Variants in CHI3L1 observed in about 807,000 individuals in gnomAD.
CHI3L1 encodes the protein chitinase 3 like 1, also known as chitinase-3-like protein 1.
Under a neutral mutation model 40.7 loss-of-function variants are expected in CHI3L1, and 30 were observed. The observed-to-expected ratio is 0.74, with a 90% CI of 0.55 to 1.00. The LOEUF is 1.00. Ranked by LOEUF, CHI3L1 falls within the 50% of genes least tolerant of loss-of-function variation. CHI3L1 has a pLI of 0.00. For synonymous variants in CHI3L1, 210 were observed against 192.1 expected, an observed-to-expected ratio of 1.09 and a Z score of -0.77; for missense variants, 493 against 492.2, an observed-to-expected ratio of 1.00 and a Z score of -0.01.
Position 203,183,655 on chromosome 1 carries a change from TA to T in CHI3L1, c.450del (p.Phe150LeufsTer4). 6.2e-7 allele frequency: 1 copy of T among 1,614,032 alleles called. No individual in the cohort carries two copies. Among genetic ancestry groups the T allele is most frequent in the Non-Finnish European group, 8.5e-7 (1 of 1,180,000 alleles). ...LYPGRRDKQH[F>X]TTLIKEMKAE... ...CTGACCAGCACCTTGATTAGGGTGG[TA>T]AAATGCTGTTTGTCTCTCCGTCCAG... On this transcript the variant is annotated frameshift_variant, in exon 5 of 10. Coordinates refer to ENST00000255409, the MANE Select transcript of CHI3L1 (RefSeq NM_001276.4). LOFTEE classifies it high-confidence loss of function.
At chr1:203,182,970 GCCT>G in intron 5 of CHI3L1, 118 bp from the exon 6 acceptor site, 5 of 1,055,164 alleles carry the variant, frequency 4.7e-6, no homozygotes, top group Non-Finnish European at 6.9e-6. Context: ...CCTGCCTGGG[GCCT>G]AGTGGAAGTG....
At chr1:203,181,463 C>T (rs1194939154) in intron 6 of CHI3L1, 178 bp from the exon 7 acceptor site, 2 of 525,188 alleles carry the variant, frequency 3.8e-6, no homozygotes, top group Non-Finnish European at 6.4e-6. Flanking sequence ...TCTACTCTAA[C>T]TACGAAAATT....
intron 6 of CHI3L1, chr1:203,182,109 T>C (rs940416713): frequency 6.6e-6 from 1 of 152,608 alleles, no homozygotes; most frequent in African/African-American, 2.4e-5. Context: ...AATTAAGCAC[T>C]GAGTTTACAC....
rs539769131 is a variant in CHI3L1 at position 203,180,938 on chromosome 1, C to T, written c.711+224G>A. Among the ~76,000 whole-genome samples, 24 of 152,320 alleles carry T rather than the reference C, an allele frequency of 1.6e-4. 1 individual carries two copies. In the South Asian group the frequency reaches 5.0e-3, roughly 32 times the overall value. On this transcript the variant is annotated intron_variant, in intron 7 of 9. Transcript: ENST00000255409. ...CCTACCTCCTCGGCTCCCAGCCTCT[C>T]CCCATTCGGCCCCCTGCCCTCACTC...
intron 6 of CHI3L1, 78 bp from the exon 7 acceptor site, chr1:203,181,363 C>G: frequency 6.6e-7 from 1 of 1,520,476 alleles, no homozygotes; most frequent in South Asian, 1.2e-5. Context: ...TGGCTCATAC[C>G]TGGAATCCCA....
rs754908889 is a variant in CHI3L1, at chr1:203,179,517, C to T, written c.1080G>A (p.Gln360=). 1.9e-5 allele frequency: 31 copies of T among 1,592,172 alleles called. No homozygotes were observed. The highest frequency in any genetic ancestry group is 2.2e-5 in the Non-Finnish European group (26 of 1,167,160). Reference sequence around the variant, plus strand: ...GCAGATCCTGGCCACAGAAGGAGCCCTGGAAGTCATCCAGGTCCAGGGCCC... The same window carrying T: ...GCAGATCCTGGCCACAGAAGGAGCCTTGGAAGTCATCCAGGTCCAGGGCCC... ...MVWALDLDDF[Q]GSFCGQDLRF... The change falls in exon 10 of 10, where the codon CAG becomes CAA. Residue 360 remains glutamine, a synonymous_variant. Coordinates refer to ENST00000255409, the MANE Select transcript of CHI3L1 (RefSeq NM_001276.4).
intron 3 of CHI3L1, 51 bp from the exon 4 acceptor site, chr1:203,184,683 G>A: frequency 7.9e-6 from 12 of 1,510,942 alleles, no homozygotes; most frequent in Non-Finnish European, 1.1e-5. Flanking sequence ...ACATTGTCAT[G>A]ACACTGGGTG....
chr1:203,186,466 C>A (rs1302734310), intron 1 of CHI3L1, 121 bp from the exon 2 acceptor site: 37 of 1,492,848 alleles, frequency 2.5e-5, no homozygotes, highest in Non-Finnish European at 1.8e-5. Context: ...GCCTCAGTCC[C>A]TCCCCTGGCT....
At chr1:203,182,268 G>A (rs1410523409) in intron 6 of CHI3L1, 1 of 162,866 alleles carries the variant, frequency 6.1e-6, no homozygotes, top group Non-Finnish European at 1.3e-5. Context: ...GGGGTGGGGT[G>A]AGGATGAGGC....
chr1:203,180,313 T>C lies in CHI3L1; in HGVS notation c.894+157A>G, dbSNP rs1655907240. On this transcript the variant is annotated intron_variant, in intron 8 of 9. Coordinates refer to ENST00000255409, the MANE Select transcript of CHI3L1 (RefSeq NM_001276.4). Reference sequence around the variant, plus strand: ...CCTGCTGGAGATTTTCAGCAACAAATGTCCTAACCTCTCCCTTCCACTTCC... The same window carrying C: ...CCTGCTGGAGATTTTCAGCAACAAACGTCCTAACCTCTCCCTTCCACTTCC... 3 of 674,122 alleles carry C rather than the reference T, an allele frequency of 4.5e-6. No individual in the cohort carries two copies. The South Asian group carries it at 6.6e-5, about 15-fold the overall frequency. The allele number at this position is 674,122 out of a possible 1,614,324, so 41.8% of individuals were successfully genotyped here.
At position 203,183,620 on chromosome 1, in the gene CHI3L1, T is replaced by C. The variant is rs754049844; in HGVS notation, c.465+21A>G. The C allele has an allele frequency of 3.0e-5, 49 of 1,613,178 alleles. No homozygotes were observed. In the South Asian group the frequency reaches 4.9e-4, roughly 16 times the overall value. On this transcript the variant is annotated intron_variant, in intron 5 of 9. Coordinates refer to ENST00000255409, the MANE Select transcript of CHI3L1 (RefSeq NM_001276.4). The stretch of plus-strand genomic sequence containing the variant: ...CCTCATGCCTGCCCACCTCCCTCCC[T>C]GTCCCTGACCTGACCAGCACCTTGA...
rs756456263 is a variant in CHI3L1 at position 203,182,742 on chromosome 1, G to A, written c.576C>T (p.Ala192=). 7 of 1,613,876 alleles carry A rather than the reference G, an allele frequency of 4.3e-6. No homozygotes were observed. Among genetic ancestry groups the A allele is most frequent in the Non-Finnish European group, 5.9e-6 (7 of 1,179,984 alleles). The change falls in exon 6 of 10, where the codon GCC becomes GCT. Residue 192 remains alanine (A), a synonymous_variant. Transcript: ENST00000255409. ...GGCAGGAGACTCACTGGGATATCTT[G>A]GCAATGTCATAGCTGCTGTCAATGG... ...KVTIDSSYDI[A]KISQHLDFIS... is the part of the protein sequence containing the mutation.
At chr1:203,183,224 T>C (rs535334123) in intron 5 of CHI3L1, among the ~76,000 whole-genome samples, 2 of 152,316 alleles carry the variant, frequency 1.3e-5, no homozygotes, top group Non-Finnish European at 2.9e-5. Context: ...TGATTGCTGC[T>C]GGTATTGTGA....
Position 203,182,728 on chromosome 1 carries a change from C to T in CHI3L1, c.587+3G>A, listed in dbSNP as rs781359238. ...GGGAGGCTGCCTGGGGCAGGAGACT[C>T]ACTGGGATATCTTGGCAATGTCATA... On this transcript the variant is annotated splice_donor_region_variant and intron_variant, in intron 6 of 9. Coordinates refer to ENST00000255409, the MANE Select transcript of CHI3L1 (RefSeq NM_001276.4). The T allele has an allele frequency of 2.5e-6, 4 of 1,613,766 alleles. No individual in the cohort carries two copies. Among genetic ancestry groups the T allele is most frequent in the South Asian group, 2.2e-5 (2 of 91,060 alleles).
rs572161451 is a variant in CHI3L1, at chr1:203,179,772, C to T, written c.1000G>A (p.Val334Ile). 3.1e-5 allele frequency: 50 copies of T among 1,614,200 alleles called. No homozygotes were observed. Among genetic ancestry groups the T allele is most frequent in the South Asian group, 4.4e-5 (4 of 91,088 alleles). The change falls in exon 9 of 10, where the codon GTC becomes ATC. Residue 334 changes from valine to isoleucine, a missense_variant. Coordinates refer to ENST00000255409, the MANE Select transcript of CHI3L1 (RefSeq NM_001276.4). ...QWVGYDDQES[V>I]KSKVQYLKDR... ...TTGGGGAAACCTACCTTGCTTTTGA[C>T]GCTTTCCTGGTCGTCGTATCCTACC... is the stretch of plus-strand genomic sequence containing the variant.
In CHI3L1 at chr1:203,183,799, C is replaced by G; in HGVS notation, c.315-8G>C. Reference sequence around the variant, plus strand: ...GAGGCTATCTTGGAAAATCTAGGACCAAAATCAGCCCTGTAGCATGCTCAG... The same window carrying G: ...GAGGCTATCTTGGAAAATCTAGGACGAAAATCAGCCCTGTAGCATGCTCAG... On this transcript the variant is annotated splice_polypyrimidine_tract_variant and splice_region_variant and intron_variant, in intron 4 of 9. Transcript: ENST00000255409. 6.2e-7 allele frequency: 1 copy of G among 1,614,072 alleles called. No individual in the cohort carries two copies. Among genetic ancestry groups the G allele is most frequent in the East Asian group, 2.2e-5 (1 of 44,862 alleles).
In CHI3L1 at chr1:203,180,472, C is replaced by T. The variant is rs1440858656; in HGVS notation, c.892G>A (p.Glu298Lys). ...TKEAGTLAYY[E>K]ICDFLRGATV... ...TACCTTCTCCCCAACTCCATTACCT[C>T]ATAGTAGGCAAGGGTCCCTGCCTCC... The change falls in exon 8 of 10, where the codon GAG (glutamate) becomes AAG (lysine). Residue 298 changes from glutamate to lysine, a missense_variant and splice_region_variant. Coordinates refer to ENST00000255409, the MANE Select transcript of CHI3L1 (RefSeq NM_001276.4). 13 of 1,579,082 alleles carry T rather than the reference C, an allele frequency of 8.2e-6. No individual in the cohort carries two copies. Among genetic ancestry groups the T allele is most frequent in the African/African-American group, 1.4e-5 (1 of 72,634 alleles).
In CHI3L1 at chr1:203,181,245, C is replaced by A; in HGVS notation, c.628G>T (p.Gly210Ter). 1 of 1,614,064 alleles carries A rather than the reference C, an allele frequency of 6.2e-7. No homozygotes were observed. Reference sequence around the variant, plus strand: ...TGGCCTGTGGTCCCACGCCAGGCTCCATGAAAATCGTAGGTCATGATGCTA... The same window carrying A: ...TGGCCTGTGGTCCCACGCCAGGCTCAATGAAAATCGTAGGTCATGATGCTA... Reference protein sequence around the residue: ...FISIMTYDFHGAWRGTTGHHS... With the variant: ...FISIMTYDFH The change falls in exon 7 of 10, where the codon GGA becomes TGA. Residue 210 changes from glycine (G) to a stop codon, truncating the protein, a stop_gained. Coordinates refer to ENST00000255409, the MANE Select transcript of CHI3L1 (RefSeq NM_001276.4). LOFTEE classifies it high-confidence loss of function.
intron 1 of CHI3L1, 44 bp from the exon 2 acceptor site, chr1:203,186,389 C>G (rs1049896707): frequency 6.4e-7 from 1 of 1,572,506 alleles, no homozygotes; most frequent in East Asian, 2.3e-5. Flanking sequence ...TGCATCCTGC[C>G]CTTCCGCCCT....
Sources: gnomAD v4.1 joint callset for allele counts (sites outside exome capture counted in the v4.1 genomes callset) on GRCh38, gnomAD v4.1.1 for gene constraint, MANE v1.5 for transcripts, NCBI Gene and HGNC (gene_info 2026-07-23, HGNC 2026-07-21) for gene names.